Variants in TSHZ3 observed in about 807,000 individuals in gnomAD.
TSHZ3 encodes the protein teashirt homolog 3.
Under a neutral mutation model 64.5 loss-of-function variants are expected in TSHZ3, and 10 were observed. The ratio of observed to expected loss-of-function variants is 0.16; its 90% confidence interval spans 0.10 to 0.26. The LOEUF is 0.26. Ranked by LOEUF, TSHZ3 falls within the 10% of genes least tolerant of loss-of-function variation. TSHZ3 has a pLI of 1.00. For synonymous variants in TSHZ3, 608 were observed against 593.1 expected (o/e 1.03, Z -0.36); for missense variants, 1,242 against 1,421.7 (o/e 0.87, Z 2.03).
chr19:31,167,863 G>A (rs1434499130), intron 5 of TSHZ3: 1 of 152,156 alleles, frequency 6.6e-6, no homozygotes, highest in Admixed American at 6.6e-5. Context: ...TACCCCTCCC[G>A]TCGCTTCCCT....
intron 1 of TSHZ3, among the ~76,000 whole-genome samples, chr19:31,310,620 C>A (rs1916432374): frequency 6.6e-6 from 1 of 152,124 alleles, no homozygotes; most frequent in Admixed American, 6.5e-5. Flanking sequence ...AGAGTGCGGG[C>A]TCTGTGTGAT....
At chr19:31,274,744 A>T (rs1976196860), downstream of TSHZ3, among the ~76,000 whole-genome samples, 1 of 151,016 alleles carries the variant, frequency 6.6e-6, no homozygotes. Flanking sequence ...ATCCTATTCG[A>T]GCTGCCTCTG....
intron 1 of TSHZ3, among the ~76,000 whole-genome samples, chr19:31,339,096 G>A (rs1917347566): frequency 1.3e-5 from 2 of 151,740 alleles, no homozygotes; most frequent in Admixed American, 6.6e-5. Context: ...AATAACGCAC[G>A]TTTGAATCAT....
chr19:31,347,075 G>A (rs1241897790), intron 1 of TSHZ3, among the ~76,000 whole-genome samples: 1 of 151,928 alleles, frequency 6.6e-6, no homozygotes, highest in African/African-American at 2.4e-5. Context: ...AAGTCGTTTT[G>A]ACGGGTCATT....
At chr19:31,329,532 C>T (rs77301164) in intron 1 of TSHZ3, among the ~76,000 whole-genome samples, 5,612 of 152,242 alleles carry the variant, frequency 0.037, 311 homozygotes, top group African/African-American at 0.12. Context: ...CACCTCACAC[C>T]GGTGAAATTG....
At chr19:31,210,954 C>T (rs1461776632) in intron 4 of TSHZ3, among the ~76,000 whole-genome samples, 1 of 152,042 alleles carries the variant, frequency 6.6e-6, no homozygotes, top group African/African-American at 2.4e-5. Context: ...TAAGAAATAG[C>T]CATGTACTAC....
chr19:31,254,820 C>T (rs1473425832), intron 1 of TSHZ3, among the ~76,000 whole-genome samples: 1 of 152,132 alleles, frequency 6.6e-6, no homozygotes, highest in Non-Finnish European at 1.5e-5. Flanking sequence ...TCCATGAATC[C>T]TCTTAGTCAT....
At chr19:31,224,246 T>C (rs1414319381) in intron 4 of TSHZ3, among the ~76,000 whole-genome samples, 1 of 152,230 alleles carries the variant, frequency 6.6e-6, no homozygotes, top group African/African-American at 2.4e-5. Context: ...TATTGCTTTC[T>C]CCAACTGGGA....
intron 5 of TSHZ3, among the ~76,000 whole-genome samples, chr19:31,158,021 C>A (rs915926425): frequency 1.3e-5 from 2 of 152,106 alleles, no homozygotes; most frequent in African/African-American, 4.8e-5. Flanking sequence ...TCAGGCAGAA[C>A]AATGTATTTT....
At chr19:31,158,670 T>C (rs1974335382) in intron 5 of TSHZ3, among the ~76,000 whole-genome samples, 1 of 152,208 alleles carries the variant, frequency 6.6e-6, no homozygotes, top group South Asian at 2.1e-4. Flanking sequence ...TATAATGAAA[T>C]AATTCTACAA....
chr19:31,152,818 A>G (rs2064089928), intron 6 of TSHZ3, among the ~76,000 whole-genome samples: 1 of 152,192 alleles, frequency 6.6e-6, no homozygotes, highest in Non-Finnish European at 1.5e-5. Context: ...AACCCAATGG[A>G]GAGGCATCTG....
At chr19:31,168,271 C>T (rs1156807127) in intron 5 of TSHZ3, among the ~76,000 whole-genome samples, 1 of 152,100 alleles carries the variant, frequency 6.6e-6, no homozygotes, top group Non-Finnish European at 1.5e-5. Context: ...ACGCACCAGC[C>T]AATCACAAAT....
chr19:31,340,499 G>A (rs1482494839), intron 1 of TSHZ3, among the ~76,000 whole-genome samples: 2 of 141,592 alleles, frequency 1.4e-5, no homozygotes, highest in African/African-American at 2.5e-5. Flanking sequence ...CAGAAAAGGG[G>A]AAAGGGAGGG....
chr19:31,297,120 G>A (rs1976676509), intron 1 of TSHZ3, among the ~76,000 whole-genome samples: 1 of 152,190 alleles, frequency 6.6e-6, no homozygotes, highest in African/African-American at 2.4e-5. Flanking sequence ...CCCCATTGTG[G>A]GAATCAGCGG....
intron 5 of TSHZ3, among the ~76,000 whole-genome samples, chr19:31,185,020 C>T (rs1974781385): frequency 1.3e-5 from 2 of 152,064 alleles, no homozygotes; most frequent in Non-Finnish European, 2.9e-5. Flanking sequence ...GAACTGTACC[C>T]TCCTGAGACA....
rs796867609 is a variant in TSHZ3, at chr19:31,256,934, C to T, written n.64-14059G>A. On this transcript the variant is annotated intron_variant and non_coding_transcript_variant, in intron 1 of 6. Transcript: ENST00000651361. ...CGCTACAGGTGACTGAAAGCAAGGC[C>T]GCCATGGTGGGTGTGCAGGAGCCAG... is the stretch of plus-strand genomic sequence containing the variant. Among the ~76,000 whole-genome samples, 9 of 152,258 alleles carry T rather than the reference C, an allele frequency of 5.9e-5. 1 individual carries two copies. The highest frequency in any genetic ancestry group is 1.9e-4 in the African/African-American group (8 of 41,556).
rs755412223 is a variant in TSHZ3, at chr19:31,278,656, C to A, written c.1137G>T (p.Glu379Asp). The A allele has an allele frequency of 6.2e-7, 1 of 1,614,172 alleles. No homozygotes were observed. Residue 379 changes from glutamate (E) to aspartate (D), a missense_variant, in exon 2 of 2, where the codon GAG becomes GAT. By Grantham distance (45) the Glu-to-Asp change is conservative. Around this residue, in one of 4 missense-constraint regions of TSHZ3, gnomAD observed 555 missense variants for 704.0 expected, o/e 0.79. Coordinates refer to ENST00000240587, the MANE Select transcript of TSHZ3 (RefSeq NM_020856.4). This position sits in a 1 kb window ranked among gnomAD's most constrained non-coding sequence, Gnocchi z 4.7. ...ACTTCAGGATCTGCGACTTCCGGGC[C>A]TCAAAGTGCCATGCATAGCTGGCCC... ...QNGASYAWHF[E>D]ARKSQILKCM...
chr19:31,173,120 T>C (rs1974558936), intron 5 of TSHZ3, among the ~76,000 whole-genome samples: 3 of 152,182 alleles, frequency 2.0e-5, no homozygotes, highest in Admixed American at 2.0e-4. Context: ...CCAATGACCA[T>C]GTGGTGGGTC....
At chr19:31,235,519 A>G (rs1468981395) in intron 3 of TSHZ3, among the ~76,000 whole-genome samples, 1 of 151,908 alleles carries the variant, frequency 6.6e-6, no homozygotes, top group East Asian at 1.9e-4. Context: ...GTCACAAATG[A>G]TAGAACTTCC....
Sources: gnomAD v4.1 joint callset for allele counts (sites outside exome capture counted in the v4.1 genomes callset) on GRCh38, gnomAD v4.1.1 for gene constraint, gnomAD v4.1.1 regional missense constraint, Gnocchi (gnomAD v3.1) non-coding constraint, MANE v1.5 for transcripts, NCBI Gene and HGNC (gene_info 2026-07-23, HGNC 2026-07-21) for gene names.